The following IFT43 variants were observed in gnomAD, a reference collection of about 807,000 sequenced individuals.
The protein encoded by IFT43 is intraflagellar transport protein 43 homolog.
IFT43 carries 33 observed loss-of-function variants against 32.3 expected under a neutral mutation model. The ratio of observed to expected loss-of-function variants is 1.02; its 90% CI spans 0.77 to 1.37. The LOEUF (loss-of-function observed/expected upper bound fraction) is 1.37, where lower values mean the gene tolerates loss of function less well. Ranked by LOEUF, IFT43 falls within the 40% of genes most tolerant of loss-of-function variation. The pLI is 0.00. For synonymous variants in IFT43, 93 were observed against 98.2 expected (o/e 0.95, Z 0.31); for missense variants, 274 against 265.9 (o/e 1.03, Z -0.21).
chr14:76,018,591 C>T (rs1407947960), intron 2 of IFT43, among the ~76,000 whole-genome samples: 1 of 151,908 alleles, frequency 6.6e-6, no homozygotes, highest in African/African-American at 2.4e-5. Context: ...GTTTAAATTC[C>T]CAGTTTTCTT....
chr14:76,005,955 A>G (rs1255184961), intron 2 of IFT43, among the ~76,000 whole-genome samples: 4 of 151,470 alleles, frequency 2.6e-5, no homozygotes, highest in Non-Finnish European at 5.9e-5. Flanking sequence ...CTGTTTCAAC[A>G]TACACTTTTT....
intron 3 of IFT43, among the ~76,000 whole-genome samples, chr14:76,028,237 G>A (rs1422013385): frequency 6.6e-6 from 1 of 152,012 alleles, no homozygotes; most frequent in Non-Finnish European, 1.5e-5. Context: ...AGTAATTGGG[G>A]TACCGCTTTG....
intron 3 of IFT43, chr14:76,038,108 G>A (rs2036637191): frequency 6.6e-6 from 1 of 152,228 alleles, no homozygotes; most frequent in Non-Finnish European, 1.5e-5. Flanking sequence ...AGTATGGCAT[G>A]ACCGGAGTCC....
chr14:76,083,378 C>G (rs1466593129), intron 8 of IFT43, 80 bp from the exon 9 acceptor site: 6 of 1,612,894 alleles, frequency 3.7e-6, no homozygotes, highest in Middle Eastern at 1.7e-4. Flanking sequence ...CTCCCTGAGG[C>G]CTGGATGGGA....
At position 76,083,569 on chromosome 14, in the gene IFT43, C is replaced by T; in HGVS notation, c.619C>T (p.His207Tyr). 1 of 1,613,962 alleles carries T rather than the reference C, an allele frequency of 6.2e-7. No individual in the cohort carries two copies. The highest frequency in any genetic ancestry group is 8.5e-7 in the Non-Finnish European group (1 of 1,180,024). ...GGAGGACCCTGCGGGGCAGGCCAGG[C>T]ACACCTGAGCCCGTCACCCATGCTC... The part of the protein sequence containing the change: ...EKEDPAGQAR[H>Y]T Residue 207 changes from histidine (H) to tyrosine (Y), a missense_variant, in exon 9 of 9, where the codon CAC becomes TAC. Coordinates refer to ENST00000314067, the MANE Select transcript of IFT43 (RefSeq NM_001102564.3).
chr14:76,077,620 A>G (rs775225658), intron 5 of IFT43, among the ~76,000 whole-genome samples: 2 of 152,132 alleles, frequency 1.3e-5, no homozygotes, highest in Non-Finnish European at 2.9e-5. Flanking sequence ...CGAATAAAGT[A>G]TTATGGAAGG....
chr14:76,010,176 G>A (rs957150668), intron 2 of IFT43, among the ~76,000 whole-genome samples: 1 of 152,138 alleles, frequency 6.6e-6, no homozygotes, highest in Admixed American at 6.5e-5. Flanking sequence ...GGCTAGGGTG[G>A]GCAGGGAGGC....
chr14:76,067,866 CG>C lies in IFT43; in HGVS notation c.295+8494del, dbSNP rs1268815632. Among the ~76,000 whole-genome samples, 3 of 152,270 alleles carry C rather than the reference CG, an allele frequency of 2.0e-5. No individual in the cohort carries two copies. In the East Asian group the frequency reaches 5.8e-4, roughly 29 times the overall value. ...CATAGCTTAAAATTTTTCGAATTCA[CG>C]TTTTTAAAAATGACAGAAATAATTT... On this transcript the variant is annotated intron_variant, in intron 5 of 8. Coordinates refer to ENST00000314067, the MANE Select transcript of IFT43 (RefSeq NM_001102564.3).
At chr14:75,992,276 T>C (rs1420222910) in intron 2 of IFT43, among the ~76,000 whole-genome samples, 1 of 152,174 alleles carries the variant, frequency 6.6e-6, no homozygotes, top group Non-Finnish European at 1.5e-5. Context: ...ATCTGTCAAA[T>C]AGTGATAGTA....
chr14:75,993,737 G>A (rs991727020), intron 2 of IFT43, among the ~76,000 whole-genome samples: 3 of 152,136 alleles, frequency 2.0e-5, no homozygotes, highest in African/African-American at 7.2e-5. Context: ...CTGCTATCTG[G>A]AGCCTGTGAC....
At chr14:76,007,759 TGGCAGAAA>T (rs974747630) in intron 2 of IFT43, among the ~76,000 whole-genome samples, 7 of 152,204 alleles carry the variant, frequency 4.6e-5, no homozygotes, top group East Asian at 3.9e-4. Context: ...GTTGGCTGAA[TGGCAGAAA>T]GTATAGGGAA....
At chr14:76,004,133 G>C (rs1002325940) in intron 2 of IFT43, among the ~76,000 whole-genome samples, 4 of 152,024 alleles carry the variant, frequency 2.6e-5, no homozygotes, top group Admixed American at 2.0e-4. Flanking sequence ...CTTTTTTGTT[G>C]TTCTTCATTT....
At chr14:76,073,533 G>A (rs1049757671) in intron 5 of IFT43, among the ~76,000 whole-genome samples, 7 of 152,142 alleles carry the variant, frequency 4.6e-5, no homozygotes, top group East Asian at 1.9e-4. Flanking sequence ...TTTTCCTTTC[G>A]TGCTTTAGGC....
chr14:76,033,620 GA>G (rs2139988891), intron 3 of IFT43, among the ~76,000 whole-genome samples: 1 of 152,260 alleles, frequency 6.6e-6, no homozygotes, highest in East Asian at 1.9e-4. Context: ...ATTTAAAACA[GA>G]AAAAGAGGCT....
At chr14:76,059,495 G>A (rs963202965) in intron 5 of IFT43, 122 bp downstream of exon 5, 12 of 878,240 alleles carry the variant, frequency 1.4e-5, no homozygotes, top group South Asian at 6.9e-5. Context: ...GTCTTCTGAC[G>A]CATGCTGATG....
At chr14:76,020,972 G>A (rs1027106223) in intron 2 of IFT43, among the ~76,000 whole-genome samples, 9 of 152,246 alleles carry the variant, frequency 5.9e-5, no homozygotes, top group Non-Finnish European at 8.8e-5. Flanking sequence ...AGACATACAT[G>A]GACACTGGTG....
chr14:75,991,388 A>AGTGTGTGTGTGT (rs34624480), intron 2 of IFT43, among the ~76,000 whole-genome samples: 8 of 141,988 alleles, frequency 5.6e-5, no homozygotes, highest in Non-Finnish European at 1.2e-4. Context: ...TATTAACAAG[A>AGTGTGTGTGTGT]GTGTGTGTGT....
At position 75,999,242 on chromosome 14, in the gene IFT43, TA is replaced by T. The variant is rs1566699149; in HGVS notation, c.147+10266del. Among the ~76,000 whole-genome samples, 12 of 14,216 alleles carry T rather than the reference TA, an allele frequency of 8.4e-4. 1 individual carries two copies. Among genetic ancestry groups the T allele is most frequent in the African/African-American group, 4.2e-3 (11 of 2,600 alleles). 9.3% of individuals were successfully genotyped at this position (14,216 alleles called of 152,430 possible). A position where few individuals can be genotyped will look rare whatever the true frequency, so the allele number is the denominator to read the frequency against. On this transcript the variant is annotated intron_variant, in intron 2 of 8. Coordinates refer to ENST00000314067, the MANE Select transcript of IFT43 (RefSeq NM_001102564.3). ...TAAATTCATTTTATATATATATATA[TA>T]TATATATATATATATATATATATAT...
intron 2 of IFT43, chr14:76,013,805 C>T (rs2036130706): frequency 7.1e-6 from 2 of 282,880 alleles, no homozygotes; most frequent in African/African-American, 2.3e-5. Flanking sequence ...TCCTGACAAC[C>T]CTCCATATGA....
Sources: gnomAD v4.1 joint callset for allele counts (sites outside exome capture counted in the v4.1 genomes callset) on GRCh38, gnomAD v4.1.1 for gene constraint, MANE v1.5 for transcripts, NCBI Gene and HGNC (gene_info 2026-07-23, HGNC 2026-07-21) for gene names.